PHF24: variants seen among roughly 807,000 people sequenced by gnomAD.
PHF24 encodes Galpha inhibitory interacting protein.
In PHF24, 25 loss-of-function variants were observed where a neutral mutation model predicts 42.6. The observed-to-expected ratio is 0.59, with a 90% confidence interval of 0.43 to 0.82. The LOEUF is 0.82. Among genes scored for constraint, PHF24 ranks in the 40% least tolerant of loss-of-function variants. The pLI is 0.00. For missense variants in PHF24, 470 were observed against 538.1 expected, an observed-to-expected ratio of 0.87 and a Z score of 1.25; for synonymous variants, 185 against 204.8, an observed-to-expected ratio of 0.90 and a Z score of 0.83.
At chr9:34,891,935 A>G in the PHF24 span, among the ~76,000 whole-genome samples, 4 of 152,200 alleles carry the variant, frequency 2.6e-5, no homozygotes, top group African/African-American at 9.6e-5. Context: ...GTCAATGGTC[A>G]GATGGAGAAT....
At position 34,958,775 on chromosome 9, in the gene PHF24, A is replaced by T. The variant is rs1418643039; in HGVS notation, c.-5+374A>T. 6.6e-6 allele frequency among the ~76,000 whole-genome samples: 1 copy of T among 152,098 alleles called. No homozygotes were observed. Among genetic ancestry groups the T allele is most frequent in the Non-Finnish European group, 1.5e-5 (1 of 67,984 alleles). On this transcript the variant is annotated intron_variant, in intron 1 of 7. Transcript: ENST00000242315. The surrounding 1 kb of genome is among the most constrained non-coding windows in gnomAD (Gnocchi z 4.5). The stretch of plus-strand genomic sequence containing the variant: ...GGAAGACCACCTGGGAACATAGGGG[A>T]GCCGCAGGAACCTCGAGGTGGTGGA...
the PHF24 span, among the ~76,000 whole-genome samples, chr9:34,772,882 G>A: frequency 6.6e-6 from 1 of 152,054 alleles, no homozygotes; most frequent in Non-Finnish European, 1.5e-5. Flanking sequence ...ACAAATATGT[G>A]TATATATACC....
At chr9:34,693,331 C>G in the PHF24 span, among the ~76,000 whole-genome samples, 1 of 152,200 alleles carries the variant, frequency 6.6e-6, no homozygotes, top group Non-Finnish European at 1.5e-5. Flanking sequence ...CCATGGGAAG[C>G]AGCAACTGAT....
chr9:34,825,820 G>A, the PHF24 span, among the ~76,000 whole-genome samples: 1 of 152,064 alleles, frequency 6.6e-6, no homozygotes, highest in Non-Finnish European at 1.5e-5. Flanking sequence ...GCCCCTCACC[G>A]TATCTTCCCC....
chr9:34,699,864 A>T, the PHF24 span, among the ~76,000 whole-genome samples: 1 of 152,234 alleles, frequency 6.6e-6, no homozygotes, highest in Non-Finnish European at 1.5e-5. Context: ...ATAAGCAAAC[A>T]AGAAAAATCT....
the PHF24 span, among the ~76,000 whole-genome samples, chr9:34,708,782 C>T: frequency 2.6e-5 from 4 of 152,210 alleles, no homozygotes; most frequent in African/African-American, 9.6e-5. Flanking sequence ...TGCTCCATGT[C>T]CACCACCTCT....
At chr9:34,933,242 CAA>C in the PHF24 span, among the ~76,000 whole-genome samples, 6 of 152,198 alleles carry the variant, frequency 3.9e-5, no homozygotes, top group South Asian at 8.3e-4. Flanking sequence ...CATCTTTATT[CAA>C]AGTCAGAAAC....
the PHF24 span, among the ~76,000 whole-genome samples, chr9:34,862,799 G>A: frequency 6.6e-6 from 1 of 151,730 alleles, no homozygotes; most frequent in Non-Finnish European, 1.5e-5. Context: ...TGCATCTTAG[G>A]TACCAGCTTG....
the PHF24 span, among the ~76,000 whole-genome samples, chr9:34,912,309 C>A: frequency 1.3e-5 from 2 of 152,000 alleles, no homozygotes; most frequent in South Asian, 4.2e-4. Context: ...TGAGTGTAGA[C>A]CCAATCACAC....
the PHF24 span, among the ~76,000 whole-genome samples, chr9:34,840,825 C>T: frequency 6.6e-6 from 1 of 151,834 alleles, no homozygotes; most frequent in African/African-American, 2.4e-5. Flanking sequence ...TATAATTTTG[C>T]TCTAAAAATG....
the PHF24 span, among the ~76,000 whole-genome samples, chr9:34,759,665 G>C: frequency 6.6e-6 from 1 of 152,106 alleles, no homozygotes; most frequent in Non-Finnish European, 1.5e-5. Context: ...TCTATCACCC[G>C]TTAGCCTGAC....
the PHF24 span, among the ~76,000 whole-genome samples, chr9:34,721,444 T>C: frequency 3.3e-5 from 5 of 151,020 alleles, no homozygotes; most frequent in African/African-American, 9.8e-5. Flanking sequence ...GATGGAGTTT[T>C]GCTCTTGTCG....
chr9:34,705,796 G>C, the PHF24 span, among the ~76,000 whole-genome samples: 3 of 152,196 alleles, frequency 2.0e-5, no homozygotes, highest in South Asian at 4.1e-4. Context: ...AAGCAGAGTG[G>C]CTCATGGCTG....
chr9:34,902,992 G>A, the PHF24 span, among the ~76,000 whole-genome samples: 2 of 152,188 alleles, frequency 1.3e-5, no homozygotes, highest in East Asian at 1.9e-4. Flanking sequence ...AACCCTGACT[G>A]AGCAGCATTA....
chr9:34,726,753 G>T, the PHF24 span: 2 of 1,551,716 alleles, frequency 1.3e-6, no homozygotes, highest in Non-Finnish European at 8.7e-7. Context: ...GACAGTGAAA[G>T]CTCTCTGGTG....
At chr9:34,863,755 A>C in the PHF24 span, among the ~76,000 whole-genome samples, 2 of 152,250 alleles carry the variant, frequency 1.3e-5, no homozygotes, top group South Asian at 2.1e-4. Flanking sequence ...ATCCACAAGC[A>C]TCAAGGCCAT....
At chr9:34,767,413 C>T in the PHF24 span, among the ~76,000 whole-genome samples, 1 of 152,250 alleles carries the variant, frequency 6.6e-6, no homozygotes, top group Non-Finnish European at 1.5e-5. Context: ...CAATGGCGGA[C>T]GCCCCTCCCC....
At chr9:34,694,187 T>G in the PHF24 span, among the ~76,000 whole-genome samples, 1 of 128,542 alleles carries the variant, frequency 7.8e-6, no homozygotes, top group Non-Finnish European at 1.6e-5. Context: ...TTTTTTTTTT[T>G]GATACAGAGT....
the PHF24 span, among the ~76,000 whole-genome samples, chr9:34,869,879 T>A: frequency 1.3e-5 from 2 of 152,144 alleles, no homozygotes; most frequent in Non-Finnish European, 2.9e-5. Context: ...CTTTTCATCC[T>A]TGTTAGGAAG....
Sources: allele counts gnomAD v4.1 joint callset (sites outside exome capture counted in the v4.1 genomes callset), GRCh38; gene constraint gnomAD v4.1.1; non-coding constraint Gnocchi (gnomAD v3.1); transcripts MANE v1.5; gene names NCBI Gene and HGNC (gene_info 2026-07-23, HGNC 2026-07-21).